The following SUSD6 variants were observed in gnomAD, a reference collection of about 807,000 sequenced individuals.
SUSD6 encodes the protein sushi domain-containing protein 6.
A neutral mutation model predicts 28.4 loss-of-function variants in SUSD6; 16 were observed. The observed-to-expected ratio is 0.56, with a 90% confidence interval of 0.38 to 0.86. The LOEUF (loss-of-function observed/expected upper bound fraction) is 0.86. Ranked by LOEUF, SUSD6 falls within the 40% of genes least tolerant of loss-of-function variation. The pLI is 0.00. For synonymous variants in SUSD6, 147 were observed against 159.6 expected (o/e 0.92, Z 0.59); for missense variants, 341 against 384.2 (o/e 0.89, Z 0.94).
chr14:69,650,002 A>G (rs1341970488), intron 1 of SUSD6, among the ~76,000 whole-genome samples: 1 of 152,190 alleles, frequency 6.6e-6, no homozygotes, highest in East Asian at 1.9e-4. Context: ...CCAGAAACTA[A>G]TATTATTTTA....
intron 2 of SUSD6, among the ~76,000 whole-genome samples, chr14:69,664,909 A>G (rs1472890137): frequency 6.6e-6 from 1 of 152,204 alleles, no homozygotes; most frequent in African/African-American, 2.4e-5. Flanking sequence ...AGGTTTCCAG[A>G]TGAACACCTC....
At chr14:69,701,418 A>G (rs572546004) in intron 2 of SUSD6, among the ~76,000 whole-genome samples, 2 of 152,190 alleles carry the variant, frequency 1.3e-5, no homozygotes, top group Non-Finnish European at 2.9e-5. Flanking sequence ...TGGGGTGCTC[A>G]GCATTAATTA....
At chr14:69,686,313 T>C (rs982348247) in intron 2 of SUSD6, among the ~76,000 whole-genome samples, 8 of 152,228 alleles carry the variant, frequency 5.3e-5, no homozygotes, top group African/African-American at 1.9e-4. Flanking sequence ...TTATGATCTT[T>C]TTTGGCTTTC....
chr14:69,677,984 A>G (rs1056676179), intron 2 of SUSD6, among the ~76,000 whole-genome samples: 29 of 152,242 alleles, frequency 1.9e-4, no homozygotes, highest in African/African-American at 7.0e-4. Context: ...TACTTGCTTC[A>G]GACCTTTTCC....
intron 2 of SUSD6, among the ~76,000 whole-genome samples, chr14:69,664,314 T>C (rs1298500310): frequency 6.6e-6 from 1 of 152,132 alleles, no homozygotes; most frequent in Non-Finnish European, 1.5e-5. Context: ...CTACAGTGGC[T>C]CTTGGTTGTT....
intron 2 of SUSD6, among the ~76,000 whole-genome samples, chr14:69,686,857 A>G (rs771488774): frequency 1.1e-4 from 16 of 152,202 alleles, no homozygotes; most frequent in Non-Finnish European, 1.9e-4. Context: ...ACAGAGTCAA[A>G]CCATATCATT....
chr14:69,647,313 C>G (rs1160728211), intron 1 of SUSD6, among the ~76,000 whole-genome samples: 3 of 152,078 alleles, frequency 2.0e-5, no homozygotes, highest in Non-Finnish European at 2.9e-5. Context: ...ATTGGTCACT[C>G]TGCTATCTTT....
At chr14:69,622,656 C>G (rs767178219) in intron 1 of SUSD6, among the ~76,000 whole-genome samples, 2 of 152,012 alleles carry the variant, frequency 1.3e-5, no homozygotes, top group South Asian at 4.1e-4. Context: ...TGCAGTGGTG[C>G]GATCTCGGCT....
At chr14:69,680,220 A>G (rs10144825) in intron 2 of SUSD6, among the ~76,000 whole-genome samples, 19,792 of 152,084 alleles carry the variant, frequency 0.13, 3,188 homozygotes, top group African/African-American at 0.38. Context: ...CCCCTAACCC[A>G]CATGCCCCAG....
At chr14:69,692,617 A>G (rs759473268) in intron 2 of SUSD6, among the ~76,000 whole-genome samples, 1 of 152,186 alleles carries the variant, frequency 6.6e-6, no homozygotes, top group Non-Finnish European at 1.5e-5. Flanking sequence ...CCTTTTGGCA[A>G]CAGAGATCAT....
intron 1 of SUSD6, among the ~76,000 whole-genome samples, chr14:69,628,194 A>G (rs1335191486): frequency 6.6e-6 from 1 of 152,068 alleles, no homozygotes; most frequent in African/African-American, 2.4e-5. Flanking sequence ...CTGCCTCCCA[A>G]AGTGCTGGGA....
chr14:69,692,081 A>G (rs1886162433), intron 2 of SUSD6, among the ~76,000 whole-genome samples: 1 of 152,090 alleles, frequency 6.6e-6, no homozygotes. Flanking sequence ...TCAGCTGAAA[A>G]TGCCTACATA....
intron 1 of SUSD6, among the ~76,000 whole-genome samples, chr14:69,620,630 C>T (rs1885023051): frequency 6.6e-6 from 1 of 152,192 alleles, no homozygotes; most frequent in South Asian, 2.1e-4. Flanking sequence ...AAACCACAGT[C>T]ATCCTGGAAG....
At position 69,712,637 on chromosome 14, in the gene SUSD6, G is replaced by A. The variant is rs1474803610; in HGVS notation, c.*1658G>A. 1 of 152,238 alleles carries A rather than the reference G, an allele frequency of 6.6e-6. No individual in the cohort carries two copies. 9.4% of individuals were successfully genotyped at this position (152,238 alleles called of 1,614,324 possible). A position where few individuals can be genotyped will look rare whatever the true frequency, so the allele number is the denominator to read the frequency against. ...GTTGGCTCCAGGCGTGGGTGGCCTA[G>A]AAGATGAGGGGAGTGGTCTTCTCCC... On this transcript the variant is annotated 3_prime_UTR_variant, in exon 6 of 6. Transcript: ENST00000342745.
chr14:69,682,436 T>C (rs1886010036), intron 2 of SUSD6, among the ~76,000 whole-genome samples: 1 of 152,176 alleles, frequency 6.6e-6, no homozygotes, highest in Admixed American at 6.5e-5. Flanking sequence ...CTGCCCTACT[T>C]TGCCCATGTC....
intron 2 of SUSD6, among the ~76,000 whole-genome samples, chr14:69,677,858 A>T (rs1017476111): frequency 9.2e-5 from 14 of 152,244 alleles, no homozygotes; most frequent in African/African-American, 3.4e-4. Context: ...TAAAAATACT[A>T]TAGGCGAAAA....
chr14:69,615,687 G>T (rs1566587043), intron 1 of SUSD6: 1 of 152,222 alleles, frequency 6.6e-6, no homozygotes, highest in Non-Finnish European at 1.5e-5. Context: ...GGACAGTTAA[G>T]CGTCCGTGAA....
chr14:69,674,147 C>CA (rs2139625312), intron 2 of SUSD6, among the ~76,000 whole-genome samples: 1 of 152,310 alleles, frequency 6.6e-6, no homozygotes, highest in Admixed American at 6.5e-5. Context: ...CACCTGCCTA[C>CA]AGAGAGAATG....
chr14:69,668,252 T>G (rs1227306329), intron 2 of SUSD6, among the ~76,000 whole-genome samples: 1 of 152,036 alleles, frequency 6.6e-6, no homozygotes, highest in Non-Finnish European at 1.5e-5. Context: ...CCTAGAAGAG[T>G]ACGTTGCAGA....
Sources: allele counts gnomAD v4.1 joint callset (sites outside exome capture counted in the v4.1 genomes callset), GRCh38; gene constraint gnomAD v4.1.1; transcripts MANE v1.5; gene names NCBI Gene and HGNC (gene_info 2026-07-23, HGNC 2026-07-21).